The following SLC9A3 variants were observed in gnomAD, a reference collection of about 807,000 sequenced individuals.
SLC9A3 encodes the protein sodium/hydrogen exchanger 3.
In SLC9A3, 37 loss-of-function variants were observed where a neutral mutation model predicts 86.8. That is an observed-to-expected ratio of 0.43 (90% CI 0.33 to 0.56). The LOEUF is 0.56. Ranked by LOEUF, SLC9A3 falls within the 20% of genes least tolerant of loss-of-function variation. The pLI, the probability that SLC9A3 is intolerant of heterozygous loss-of-function variation, is 0.06. For missense variants in SLC9A3, 1,011 were observed against 1,171.9 expected (o/e 0.86, Z 2.00); for synonymous variants, 581 against 528.3 (o/e 1.10, Z -1.37).
In SLC9A3 at chr5:475,444, C is replaced by A. The variant is rs189882148; in HGVS notation, c.2251+117G>T. On this transcript the variant is annotated intron_variant, in intron 15 of 16. Coordinates refer to ENST00000264938, the MANE Select transcript of SLC9A3 (RefSeq NM_004174.4). ...GGGTGCCAAGCAGGGCCCTTGAGAA[C>A]CCACAGGAGACCCCACCCCCCCAGG... is the stretch of plus-strand genomic sequence containing the variant. 52 of 680,642 alleles carry A rather than the reference C, an allele frequency of 7.6e-5. No homozygotes were observed. In the East Asian group the frequency reaches 1.2e-3, roughly 16 times the overall value. The allele number at this position is 680,642 out of a possible 1,614,324, so 42.2% of individuals were successfully genotyped here.
At position 497,835 on chromosome 5, in the gene SLC9A3, C is replaced by T. The variant is rs761092462; in HGVS notation, c.212-5764G>A. Among the ~76,000 whole-genome samples the T allele has an allele frequency of 2.2e-3, 200 of 89,674 alleles. 7 individuals carry two copies. The highest frequency in any genetic ancestry group is 7.4e-3 in the African/African-American group (173 of 23,386). The allele number at this position is 89,674 out of a possible 152,430, so 58.8% of individuals were successfully genotyped here. On this transcript the variant is annotated intron_variant, in intron 1 of 16. Transcript: ENST00000264938. This position sits in a 1 kb window ranked among gnomAD's most constrained non-coding sequence, Gnocchi z 5.4. Reference sequence around the variant, plus strand: ...GGTCGCCCGGCCGCATCCCCAGCCTCTGCCCCTGTCCCGGGTGGGGTCGCC... The same window carrying T: ...GGTCGCCCGGCCGCATCCCCAGCCTTTGCCCCTGTCCCGGGTGGGGTCGCC...
chr5:487,739 C>G (rs566064055), intron 3 of SLC9A3, among the ~76,000 whole-genome samples: 3 of 152,346 alleles, frequency 2.0e-5, no homozygotes, highest in Admixed American at 2.0e-4. Flanking sequence ...ACGATCTCGG[C>G]TCATTGCAAC....
chr5:514,821 C>T (rs561284489), intron 1 of SLC9A3, among the ~76,000 whole-genome samples: 4 of 152,360 alleles, frequency 2.6e-5, no homozygotes, highest in Non-Finnish European at 4.4e-5. Flanking sequence ...GCTCAGCAGG[C>T]GGTGAGCCTG....
chr5:509,280 T>C (rs923401887), intron 1 of SLC9A3, among the ~76,000 whole-genome samples: 5 of 151,794 alleles, frequency 3.3e-5, no homozygotes, highest in Non-Finnish European at 5.9e-5. Flanking sequence ...TGAAACTCTG[T>C]CTCTACTAAA....
In SLC9A3 at chr5:524,258, A is replaced by C. The variant is rs1294352511; in HGVS notation, c.65T>G (p.Leu22Arg). Residue 22 changes from leucine to arginine, a missense_variant, in exon 1 of 17, where the codon CTG becomes CGG. Coordinates refer to ENST00000264938, the MANE Select transcript of SLC9A3 (RefSeq NM_004174.4). ...GLLLALALGG[L>R]ARAGGVEVEP... ...CACCTCGACGCCCCCGGCCCGCGCC[A>C]GCCCGCCCAGCGCCAGCGCCAGCAG... 2.1e-6 allele frequency: 3 copies of C among 1,404,246 alleles called. No homozygotes were observed. The allele number at this position is 1,404,246 out of a possible 1,614,324, so 87.0% of individuals were successfully genotyped here.
chr5:513,677 G>A (rs1016712104), intron 1 of SLC9A3, among the ~76,000 whole-genome samples: 1 of 152,186 alleles, frequency 6.6e-6, no homozygotes, highest in Non-Finnish European at 1.5e-5. Flanking sequence ...GGACACACGT[G>A]CTCCTCAGGG....
At chr5:523,347 C>T (rs183092880) in intron 1 of SLC9A3, among the ~76,000 whole-genome samples, 513 of 152,192 alleles carry the variant, frequency 3.4e-3, no homozygotes, top group South Asian at 0.012. Context: ...GGAAACCTGC[C>T]GCGGCGCCTG....
chr5:483,886 G>A (rs1052532864), intron 5 of SLC9A3, among the ~76,000 whole-genome samples: 9 of 152,396 alleles, frequency 5.9e-5, no homozygotes, highest in East Asian at 3.9e-4. Context: ...GAGCGCCAGC[G>A]GAGCGGGCGA....
intron 10 of SLC9A3, chr5:477,687 A>G (rs1738842917): frequency 2.1e-6 from 1 of 465,674 alleles, no homozygotes; most frequent in Non-Finnish European, 3.8e-6. Flanking sequence ...GGCAGAGGTC[A>G]TGCTTGTGGG....
intron 5 of SLC9A3, among the ~76,000 whole-genome samples, 153 bp from the exon 6 acceptor site, chr5:483,635 C>T (rs1739327437): frequency 6.6e-6 from 1 of 152,340 alleles, no homozygotes; most frequent in African/African-American, 2.4e-5. Context: ...GGCTGGGCCG[C>T]CAGGGTTCCT....
Position 473,061 on chromosome 5 carries a change from C to A in SLC9A3, c.*318G>T. ...CAGCAGCGCGGGGCGGCGGCGCGCG[C>A]GAGGCCGCTGGAACGAGCGCCGGCT... On this transcript the variant is annotated 3_prime_UTR_variant, in exon 17 of 17. Transcript: ENST00000264938. 2 of 312,750 alleles carry A rather than the reference C, an allele frequency of 6.4e-6. No individual in the cohort carries two copies. The highest frequency in any genetic ancestry group is 1.2e-5 in the Non-Finnish European group (2 of 172,360). 19.4% of individuals were successfully genotyped at this position (312,750 alleles called of 1,614,324 possible).
chr5:490,816 T>C (rs1739699278), intron 2 of SLC9A3, among the ~76,000 whole-genome samples: 2 of 152,340 alleles, frequency 1.3e-5, no homozygotes, highest in African/African-American at 2.4e-5. Flanking sequence ...TGAGCCTGTC[T>C]GTGCCCTCGG....
Position 484,558 on chromosome 5 carries a change from G to A in SLC9A3, c.894C>T (p.Tyr298=). ...ACAGCGACAGCATCTCGGACGTCAG[G>A]TAGGACAGGTAGGAGATGATGAACA... ...GFVFIISYLS[Y]LTSEMLSLSA... Residue 298 remains tyrosine (Y), a synonymous_variant, in exon 5 of 17, where the codon TAC becomes TAT. Coordinates refer to ENST00000264938, the MANE Select transcript of SLC9A3 (RefSeq NM_004174.4). The A allele has an allele frequency of 6.2e-7, 1 of 1,613,332 alleles. No homozygotes were observed. The highest frequency in any genetic ancestry group is 8.5e-7 in the Non-Finnish European group (1 of 1,179,978).
At chr5:504,581 G>A (rs765535939) in intron 1 of SLC9A3, among the ~76,000 whole-genome samples, 8 of 152,182 alleles carry the variant, frequency 5.3e-5, no homozygotes, top group East Asian at 1.9e-4. Flanking sequence ...TCACGGCCCC[G>A]CTGCCTCCTC....
At chr5:506,385 G>T (rs1028821497) in intron 1 of SLC9A3, among the ~76,000 whole-genome samples, 1 of 152,178 alleles carries the variant, frequency 6.6e-6, no homozygotes, top group Non-Finnish European at 1.5e-5. Flanking sequence ...GCCCGCACAG[G>T]GCGCATTCTC....
intron 1 of SLC9A3, among the ~76,000 whole-genome samples, chr5:508,755 G>A (rs1033571700): frequency 2.0e-5 from 3 of 152,286 alleles, no homozygotes; most frequent in South Asian, 2.1e-4. Context: ...AAGACCTCCC[G>A]GGAGTCACAC....
At position 482,638 on chromosome 5, in the gene SLC9A3, C is replaced by T. The variant is rs751625096; in HGVS notation, c.1266G>A (p.Leu422=). ...CCTTGTCTCCATCCAGAAGCACCAC[C>T]AGGGCAAAGGCCACGGCCCCGCGCA... is the stretch of plus-strand genomic sequence containing the variant. ...GGLRGAVAFA[L]VVLLDGDKVK... is the part of the protein sequence containing the mutation. Residue 422 remains leucine (L), a synonymous_variant, in exon 7 of 17, where the codon CTG becomes CTA. Coordinates refer to ENST00000264938, the MANE Select transcript of SLC9A3 (RefSeq NM_004174.4). 33 of 1,612,702 alleles carry T rather than the reference C, an allele frequency of 2.0e-5. 1 individual carries two copies. Among genetic ancestry groups the T allele is most frequent in the Non-Finnish European group, 5.1e-6 (6 of 1,179,924 alleles).
At chr5:502,511 T>A (rs1740336183) in intron 1 of SLC9A3, among the ~76,000 whole-genome samples, 1 of 152,128 alleles carries the variant, frequency 6.6e-6, no homozygotes, top group Non-Finnish European at 1.5e-5. Context: ...GGTCGCAACG[T>A]CCTGGGGCAA....
intron 3 of SLC9A3, among the ~76,000 whole-genome samples, chr5:486,241 G>T (rs748018425): frequency 1.3e-3 from 199 of 152,210 alleles, no homozygotes; most frequent in Middle Eastern, 6.8e-3. Context: ...ATGGGCAGGG[G>T]CAGCACGGGG....
Sources: gnomAD v4.1 joint callset for allele counts (sites outside exome capture counted in the v4.1 genomes callset) on GRCh38, gnomAD v4.1.1 for gene constraint, Gnocchi (gnomAD v3.1) non-coding constraint, MANE v1.5 for transcripts, NCBI Gene and HGNC (gene_info 2026-07-23, HGNC 2026-07-21) for gene names.